The following PDE1C variants were observed in gnomAD, a reference collection of about 807,000 sequenced individuals.
PDE1C encodes the protein phosphodiesterase 1C.
PDE1C carries 62 observed loss-of-function variants against 93.1 expected under a neutral mutation model. The observed-to-expected ratio is 0.67, with a 90% CI of 0.54 to 0.82. PDE1C has a LOEUF of 0.82. PDE1C is among the 40% of genes least tolerant of loss of function. The pLI is 0.00. For synonymous variants in PDE1C, 325 were observed against 310.1 expected (o/e 1.05, Z -0.50); for missense variants, 742 against 884.6 (o/e 0.84, Z 2.04).
chr7:31,860,221 T>C (rs982168892), intron 7 of PDE1C, among the ~76,000 whole-genome samples: 2 of 152,198 alleles, frequency 1.3e-5, no homozygotes, highest in African/African-American at 4.8e-5. Flanking sequence ...AGTGGTTTAT[T>C]TGGCAAGGTC....
At chr7:32,022,408 G>A (rs1421896680) in intron 2 of PDE1C, among the ~76,000 whole-genome samples, 1 of 152,054 alleles carries the variant, frequency 6.6e-6, no homozygotes, top group African/African-American at 2.4e-5. Context: ...AGTCAACAGA[G>A]GAGGTAAGAC....
chr7:31,917,439 G>C (rs989109147), intron 2 of PDE1C, among the ~76,000 whole-genome samples: 5 of 152,064 alleles, frequency 3.3e-5, no homozygotes, highest in African/African-American at 1.2e-4. Context: ...TCAGACCTAT[G>C]AGTCTCCAAG....
chr7:31,643,020 G>A, the PDE1C span: 134 of 1,613,886 alleles, frequency 8.3e-5, no homozygotes, highest in Non-Finnish European at 1.1e-4. Context: ...CCCATGCTGA[G>A]TATGAGGTCA....
At chr7:32,023,917 G>A (rs1164700006) in intron 2 of PDE1C, among the ~76,000 whole-genome samples, 1 of 152,048 alleles carries the variant, frequency 6.6e-6, no homozygotes, top group Non-Finnish European at 1.5e-5. Context: ...ATCTGAAAAA[G>A]CTCTATGGAT....
the PDE1C span, among the ~76,000 whole-genome samples, chr7:31,675,858 G>T: frequency 1.3e-5 from 2 of 152,034 alleles, no homozygotes; most frequent in African/African-American, 2.4e-5. Flanking sequence ...TAGGCAAAAG[G>T]TTACCAAAAT....
At chr7:32,030,484 G>A (rs1292336315) in intron 2 of PDE1C, among the ~76,000 whole-genome samples, 1 of 151,968 alleles carries the variant, frequency 6.6e-6, no homozygotes, top group East Asian at 1.9e-4. Context: ...AAATTAGATC[G>A]CTGAAAATCT....
At chr7:32,169,236 T>C (rs1316334186) in intron 3 of PDE1C, among the ~76,000 whole-genome samples, 3 of 152,098 alleles carry the variant, frequency 2.0e-5, no homozygotes, top group South Asian at 4.2e-4. Context: ...TGGAGTGCAA[T>C]GCCGAAAGAA....
the PDE1C span, chr7:31,653,426 G>A: frequency 6.5e-6 from 1 of 153,212 alleles, no homozygotes; most frequent in African/African-American, 2.4e-5. Context: ...ATAGGGCAGA[G>A]GAAGCAATCA....
At chr7:31,804,946 G>T (rs1258781392) in intron 16 of PDE1C, among the ~76,000 whole-genome samples, 1 of 151,754 alleles carries the variant, frequency 6.6e-6, no homozygotes, top group Non-Finnish European at 1.5e-5. Context: ...ATCTCATCTT[G>T]AATCATAGAT....
At chr7:32,331,687 C>T (rs1327978419) in intron 1 of PDE1C, among the ~76,000 whole-genome samples, 2 of 151,976 alleles carry the variant, frequency 1.3e-5, no homozygotes, top group African/African-American at 4.8e-5. Flanking sequence ...CAATGGGAGG[C>T]ATATTTTGGA....
At chr7:31,765,939 G>A (rs57792964) in intron 17 of PDE1C, among the ~76,000 whole-genome samples, 9,276 of 152,172 alleles carry the variant, frequency 0.061, 429 homozygotes, top group East Asian at 0.25. Flanking sequence ...CTTTGGGTAA[G>A]CTATTCATCT....
chr7:32,175,516 C>T (rs1350348157), intron 2 of PDE1C, among the ~76,000 whole-genome samples: 5 of 152,112 alleles, frequency 3.3e-5, no homozygotes, highest in Admixed American at 6.5e-5. Flanking sequence ...GCTGACTGAT[C>T]AGGGTGGTGT....
intron 1 of PDE1C, among the ~76,000 whole-genome samples, chr7:32,363,113 C>A (rs117408530): frequency 0.027 from 4,090 of 152,216 alleles, 64 homozygotes; most frequent in Non-Finnish European, 0.037. Context: ...ATTGTCTAAG[C>A]CAGGAACACC....
chr7:31,836,778 T>C (rs2128764492), intron 11 of PDE1C, among the ~76,000 whole-genome samples: 1 of 152,220 alleles, frequency 6.6e-6, no homozygotes, highest in South Asian at 2.1e-4. Context: ...ACTTGTCCAT[T>C]AGAAAGAAAC....
At chr7:31,619,880 T>G in the PDE1C span, among the ~76,000 whole-genome samples, 1 of 152,154 alleles carries the variant, frequency 6.6e-6, no homozygotes, top group African/African-American at 2.4e-5. Flanking sequence ...AGATGGCACC[T>G]GGAAAATCGG....
chr7:32,383,866 G>A (rs1784577792), intron 1 of PDE1C, among the ~76,000 whole-genome samples: 2 of 152,164 alleles, frequency 1.3e-5, no homozygotes, highest in Non-Finnish European at 2.9e-5. Context: ...TGAAAGCCTT[G>A]GCAAGTTGCT....
intron 1 of PDE1C, among the ~76,000 whole-genome samples, chr7:32,326,119 C>G (rs1783399166): frequency 6.6e-6 from 1 of 151,892 alleles, no homozygotes; most frequent in Non-Finnish European, 1.5e-5. Flanking sequence ...GATGGACTTG[C>G]CAAAAACTAA....
At chr7:32,204,371 C>T (rs1228733880) in intron 2 of PDE1C, among the ~76,000 whole-genome samples, 2 of 152,314 alleles carry the variant, frequency 1.3e-5, no homozygotes, top group South Asian at 2.1e-4. Flanking sequence ...TTCTTGTCCA[C>T]GATTGCTCAT....
chr7:32,229,414 G>A (rs1338735813), intron 1 of PDE1C, among the ~76,000 whole-genome samples: 4 of 152,134 alleles, frequency 2.6e-5, no homozygotes, highest in Non-Finnish European at 4.4e-5. Context: ...CTTCAGTAGG[G>A]GCACCTTTTC....
Sources: allele counts gnomAD v4.1 joint callset (sites outside exome capture counted in the v4.1 genomes callset), GRCh38; gene constraint gnomAD v4.1.1; transcripts MANE v1.5; gene names NCBI Gene and HGNC (gene_info 2026-07-23, HGNC 2026-07-21).